SHISA6: variants seen among roughly 807,000 people sequenced by gnomAD.
SHISA6 encodes protein shisa-6.
SHISA6 carries 22 observed loss-of-function variants against 47.9 expected under a neutral mutation model. That is an observed-to-expected ratio of 0.46 (90% CI 0.33 to 0.66). The LOEUF is 0.66. SHISA6 is among the 30% of genes least tolerant of loss of function. The probability of loss-of-function intolerance (pLI) is 0.02; values close to 1 mark genes in which losing one functional copy is unlikely to be tolerated. For synonymous variants in SHISA6, 388 were observed against 337.8 expected (o/e 1.15, Z -1.63); for missense variants, 680 against 764.6 (o/e 0.89, Z 1.30).
At chr17:11,350,196 T>A (rs866441372) in intron 2 of SHISA6, among the ~76,000 whole-genome samples, 1 of 139,910 alleles carries the variant, frequency 7.1e-6, no homozygotes. Context: ...TTTTTTTTTT[T>A]TGAGACGGAG....
intron 2 of SHISA6, among the ~76,000 whole-genome samples, chr17:11,336,225 T>C (rs1473986736): frequency 1.3e-5 from 2 of 152,102 alleles, no homozygotes; most frequent in Middle Eastern, 3.4e-3. Flanking sequence ...ATAGTAATAA[T>C]AATAATAATC....
chr17:11,411,943 TG>T, intron 3 of SHISA6, among the ~76,000 whole-genome samples: 2 of 152,352 alleles, frequency 1.3e-5, no homozygotes, highest in South Asian at 4.1e-4. Context: ...TACCAATGTA[TG>T]ATTGTTTTTA....
At chr17:11,492,699 G>C (rs1292422188) in intron 3 of SHISA6, among the ~76,000 whole-genome samples, 2 of 152,068 alleles carry the variant, frequency 1.3e-5, no homozygotes, top group African/African-American at 4.8e-5. Context: ...CATCCTGATG[G>C]TAGGTTAAGG....
rs939238343 is a variant in SHISA6 at position 11,561,113 on chromosome 17, T to A, written c.*2809T>A. On this transcript the variant is annotated 3_prime_UTR_variant, in exon 6 of 6. Coordinates refer to ENST00000441885, the MANE Select transcript of SHISA6 (RefSeq NM_207386.4). ...AGCCACATCAATAGGCAAGTTCACG[T>A]AGCAGATAAAAGAGGCTTCTGGGGC... 6.6e-6 allele frequency: 1 copy of A among 152,202 alleles called. No individual in the cohort carries two copies. The highest frequency in any genetic ancestry group is 2.4e-5 in the African/African-American group (1 of 41,454). 9.4% of individuals were successfully genotyped at this position (152,202 alleles called of 1,614,324 possible).
At chr17:11,424,964 G>A (rs531221255) in intron 3 of SHISA6, among the ~76,000 whole-genome samples, 53 of 131,962 alleles carry the variant, frequency 4.0e-4, no homozygotes, top group Non-Finnish European at 5.2e-4. Flanking sequence ...CAGAGATCGC[G>A]CCACTGCACT....
At chr17:11,255,633 G>A (rs1907978357) in intron 1 of SHISA6, among the ~76,000 whole-genome samples, 2 of 152,160 alleles carry the variant, frequency 1.3e-5, no homozygotes, top group Non-Finnish European at 2.9e-5. Context: ...CAGCAGAAAC[G>A]GGTGTGTGGT....
chr17:11,412,394 T>G (rs2142273711), intron 3 of SHISA6, among the ~76,000 whole-genome samples: 2 of 152,244 alleles, frequency 1.3e-5, no homozygotes, highest in Middle Eastern at 3.4e-3. Context: ...ACCAAATAAA[T>G]GTGGCATAGG....
intron 2 of SHISA6, among the ~76,000 whole-genome samples, chr17:11,376,861 C>G (rs1026157411): frequency 4.6e-5 from 7 of 152,144 alleles, no homozygotes; most frequent in Non-Finnish European, 1.0e-4. Flanking sequence ...CTCCTCTGAC[C>G]TACTAAATCC....
At chr17:11,555,952 G>A (rs2071974893) in intron 5 of SHISA6, 60 bp downstream of exon 5, 1 of 1,463,008 alleles carries the variant, frequency 6.8e-7, no homozygotes, top group Non-Finnish European at 9.1e-7. Context: ...ATCTTCCTAT[G>A]TCACACTCTC....
At chr17:11,523,470 G>C (rs150178615) in intron 3 of SHISA6, among the ~76,000 whole-genome samples, 1 of 152,278 alleles carries the variant, frequency 6.6e-6, no homozygotes, top group African/African-American at 2.4e-5. Context: ...GAGGAGAAAA[G>C]AGCATTTGTA....
At chr17:11,505,509 A>G (rs935175085) in intron 3 of SHISA6, among the ~76,000 whole-genome samples, 2 of 152,306 alleles carry the variant, frequency 1.3e-5, no homozygotes, top group East Asian at 1.9e-4. Context: ...TACTGTAAAC[A>G]TAGTCTAGAA....
chr17:11,479,166 A>G (rs1916149228), intron 3 of SHISA6, among the ~76,000 whole-genome samples: 1 of 152,068 alleles, frequency 6.6e-6, no homozygotes, highest in Non-Finnish European at 1.5e-5. Context: ...CCACTTCAAA[A>G]ATAGTTTGAT....
chr17:11,441,056 C>T (rs1259804855), intron 3 of SHISA6, among the ~76,000 whole-genome samples: 2 of 152,132 alleles, frequency 1.3e-5, no homozygotes, highest in African/African-American at 4.8e-5. Context: ...GCCACCTTCT[C>T]ACAGAGCATC....
rs371058052 is a variant in SHISA6 at position 11,330,955 on chromosome 17, G to T, written c.800-48459G>T. ...ATGAAGTCATTCTTGGATATATACAGTCTTGGAAACTAGCAGATTTGAAGT... is the reference window on the plus strand; with the variant it reads ...ATGAAGTCATTCTTGGATATATACATTCTTGGAAACTAGCAGATTTGAAGT... On this transcript the variant is annotated intron_variant, in intron 2 of 5. Coordinates refer to ENST00000441885, the MANE Select transcript of SHISA6 (RefSeq NM_207386.4). 3.3e-5 allele frequency among the ~76,000 whole-genome samples: 5 copies of T among 152,336 alleles called. No individual in the cohort carries two copies. In the East Asian group the frequency reaches 9.6e-4, roughly 29 times the overall value.
chr17:11,278,917 G>A (rs1054564370), intron 2 of SHISA6, among the ~76,000 whole-genome samples: 2 of 152,182 alleles, frequency 1.3e-5, no homozygotes, highest in Non-Finnish European at 2.9e-5. Flanking sequence ...CTGGGTGGCC[G>A]AGGCAGGCAG....
intron 1 of SHISA6, among the ~76,000 whole-genome samples, chr17:11,251,505 G>T (rs970369098): frequency 6.6e-6 from 1 of 152,164 alleles, no homozygotes; most frequent in African/African-American, 2.4e-5. Context: ...GGGAGCTTGG[G>T]TGAGGGGCAC....
chr17:11,365,762 A>T (rs571010971), intron 2 of SHISA6, among the ~76,000 whole-genome samples: 1 of 152,188 alleles, frequency 6.6e-6, no homozygotes, highest in Non-Finnish European at 1.5e-5. Flanking sequence ...TTAAGAAGGG[A>T]GATGGACAAT....
At chr17:11,361,160 T>A (rs996211197) in intron 2 of SHISA6, among the ~76,000 whole-genome samples, 32 of 152,252 alleles carry the variant, frequency 2.1e-4, no homozygotes, top group African/African-American at 7.5e-4. Context: ...TAAATCTTTT[T>A]TCAAAATGTC....
intron 3 of SHISA6, among the ~76,000 whole-genome samples, chr17:11,473,082 T>C (rs1915968753): frequency 1.3e-5 from 2 of 152,214 alleles, no homozygotes; most frequent in South Asian, 4.1e-4. Flanking sequence ...AAATGTGTCT[T>C]TGGCATATAT....
Sources: gnomAD v4.1 joint callset for allele counts (sites outside exome capture counted in the v4.1 genomes callset) on GRCh38, gnomAD v4.1.1 for gene constraint, MANE v1.5 for transcripts, NCBI Gene and HGNC (gene_info 2026-07-23, HGNC 2026-07-21) for gene names.